DOCK4: variants seen among roughly 807,000 people sequenced by gnomAD.
DOCK4 encodes the protein dedicator of cytokinesis 4, also known as dedicator of cytokinesis protein 4.
A neutral mutation model predicts 268.1 loss-of-function variants in DOCK4; 97 were observed. The ratio of observed to expected loss-of-function variants is 0.36; its 90% CI spans 0.31 to 0.43. The LOEUF is 0.43. Ranked by LOEUF, DOCK4 falls within the 20% of genes least tolerant of loss-of-function variation. The pLI, the probability that DOCK4 is intolerant of heterozygous loss-of-function variation, is 1.00. For synonymous variants in DOCK4, 954 were observed against 887.2 expected, an observed-to-expected ratio of 1.08 and a Z score of -1.34; for missense variants, 2,145 against 2,455.7, an observed-to-expected ratio of 0.87 and a Z score of 2.67.
Position 111,977,154 on chromosome 7 carries a change from T to A in DOCK4, c.679A>T (p.Ser227Cys), listed in dbSNP as rs973305937. 1.2e-5 allele frequency: 20 copies of A among 1,613,224 alleles called. No homozygotes were observed. Among genetic ancestry groups the A allele is most frequent in the Non-Finnish European group, 1.7e-5 (20 of 1,179,628 alleles). ...TACCTGATTGGCCGGTTCTCTTTAC[T>A]GTCAAAGAGTGAGAAGATGACCTCC... ...ELEVIFSLFD[S>C]KENRPISERF... Residue 227 changes from serine (S) to cysteine (C), a missense_variant, in exon 8 of 53, where the codon AGT (serine) becomes TGT (cysteine). By Grantham distance (112) the Ser-to-Cys change is moderately radical (BLOSUM62 -1). This residue lies in a region of DOCK4 where 1,598 missense variants were observed against 1,986.7 expected (regional missense o/e 0.80). Transcript: ENST00000428084.
intron 1 of DOCK4, among the ~76,000 whole-genome samples, chr7:112,122,988 C>A (rs1245895837): frequency 6.6e-6 from 1 of 152,244 alleles, no homozygotes. Flanking sequence ...GCAAATTACT[C>A]AGGGCAAAGG....
intron 52 of DOCK4, 120 bp downstream of exon 52, chr7:111,732,106 T>C (rs991883363): frequency 1.2e-5 from 12 of 994,732 alleles, no homozygotes; most frequent in Middle Eastern, 2.3e-4. Context: ...CTATCCCTGA[T>C]TGATAAGTTC....
At chr7:111,747,108 A>G (rs1242426326) in intron 43 of DOCK4, among the ~76,000 whole-genome samples, 159 bp downstream of exon 43, 5 of 152,230 alleles carry the variant, frequency 3.3e-5, no homozygotes, top group Admixed American at 3.3e-4. Context: ...GGGCAATTAC[A>G]AATGACTGTA....
chr7:111,882,202 C>T (rs1807449030), intron 16 of DOCK4, among the ~76,000 whole-genome samples: 1 of 151,978 alleles, frequency 6.6e-6, no homozygotes, highest in South Asian at 2.1e-4. Flanking sequence ...AATATAATCA[C>T]CTACTATGTA....
At chr7:112,132,811 CT>C (rs758727067) in intron 1 of DOCK4, among the ~76,000 whole-genome samples, 6 of 152,152 alleles carry the variant, frequency 3.9e-5, no homozygotes, top group Non-Finnish European at 5.9e-5. Flanking sequence ...CTGGTTTAAA[CT>C]TCTACTTGGG....
intron 8 of DOCK4, among the ~76,000 whole-genome samples, chr7:111,972,398 A>G (rs1490284278): frequency 6.6e-6 from 1 of 152,140 alleles, no homozygotes; most frequent in African/African-American, 2.4e-5. Flanking sequence ...CATCTGTAAA[A>G]TTGGTGCTAA....
chr7:111,779,154 A>G (rs1160351148), intron 35 of DOCK4, among the ~76,000 whole-genome samples: 1 of 152,134 alleles, frequency 6.6e-6, no homozygotes, highest in Non-Finnish European at 1.5e-5. Flanking sequence ...AGAATGGGAA[A>G]GAGGGTAAAT....
intron 1 of DOCK4, among the ~76,000 whole-genome samples, chr7:112,106,941 A>C (rs552496972): frequency 7.2e-5 from 11 of 152,366 alleles, no homozygotes; most frequent in Admixed American, 6.5e-4. Context: ...ATGACTTGGC[A>C]GCATTTTGCC....
chr7:112,104,576 G>T (rs1810972543), intron 1 of DOCK4, among the ~76,000 whole-genome samples: 1 of 152,134 alleles, frequency 6.6e-6, no homozygotes, highest in South Asian at 2.1e-4. Context: ...GTTTTCAGAA[G>T]GAACTGGCTT....
chr7:111,933,554 C>CA (rs1794449628), intron 12 of DOCK4, among the ~76,000 whole-genome samples: 2 of 151,948 alleles, frequency 1.3e-5, no homozygotes, highest in Non-Finnish European at 2.9e-5. Flanking sequence ...CTTGGCCTCC[C>CA]AAAGTGCTGT....
Position 112,124,028 on chromosome 7 carries a change from CT to C in DOCK4, c.37+82073del, listed in dbSNP as rs36107543. On this transcript the variant is annotated intron_variant, in intron 1 of 52. Coordinates refer to ENST00000428084, the MANE Select transcript of DOCK4 (RefSeq NM_001363540.2). ...TTGCTGATCATTAAGAAACTAAAAA[CT>C]TTTTTTTTTTTTAGAAATAGGGTTT... 2.7e-3 allele frequency among the ~76,000 whole-genome samples: 393 copies of C among 143,708 alleles called. 1 individual carries two copies. The highest frequency in any genetic ancestry group is 7.3e-3 in the Middle Eastern group (2 of 274). The allele number at this position is 143,708 out of a possible 152,430, so 94.3% of individuals were successfully genotyped here.
intron 1 of DOCK4, among the ~76,000 whole-genome samples, chr7:112,060,009 G>A (rs960227617): frequency 6.6e-6 from 1 of 152,184 alleles, no homozygotes; most frequent in Non-Finnish European, 1.5e-5. Context: ...TGTCCAAGGT[G>A]GCAGCTAGAA....
At chr7:111,933,583 C>T (rs1794452492) in intron 12 of DOCK4, among the ~76,000 whole-genome samples, 4 of 151,964 alleles carry the variant, frequency 2.6e-5, no homozygotes, top group Non-Finnish European at 5.9e-5. Flanking sequence ...ACGTGAGCCA[C>T]CGCACCCAGC....
intron 49 of DOCK4, among the ~76,000 whole-genome samples, chr7:111,738,344 C>T (rs1017734652): frequency 6.6e-6 from 1 of 152,164 alleles, no homozygotes; most frequent in Non-Finnish European, 1.5e-5. Flanking sequence ...CAAAGGCAAA[C>T]AAATTGCTCC....
intron 39 of DOCK4, among the ~76,000 whole-genome samples, chr7:111,764,121 G>A (rs1797624884): frequency 6.6e-6 from 1 of 152,180 alleles, no homozygotes; most frequent in African/African-American, 2.4e-5. Context: ...CATTATGTCT[G>A]TGTAGCACCC....
intron 12 of DOCK4, among the ~76,000 whole-genome samples, chr7:111,928,704 C>T (rs1793939515): frequency 6.6e-6 from 1 of 151,672 alleles, no homozygotes; most frequent in South Asian, 2.1e-4. Context: ...TCTCCTGCCT[C>T]AGCCTCCTGA....
intron 38 of DOCK4, among the ~76,000 whole-genome samples, chr7:111,765,545 T>C (rs1477074812): frequency 6.6e-6 from 1 of 152,236 alleles, no homozygotes; most frequent in Non-Finnish European, 1.5e-5. Flanking sequence ...AGAAAAATTA[T>C]TTCTATGCAT....
At chr7:112,132,917 C>T (rs948526552) in intron 1 of DOCK4, among the ~76,000 whole-genome samples, 1 of 152,150 alleles carries the variant, frequency 6.6e-6, no homozygotes, top group Non-Finnish European at 1.5e-5. Context: ...GTCAGGAATT[C>T]TAAGTGTCAC....
At chr7:111,762,915 C>T (rs749711786) in intron 39 of DOCK4, among the ~76,000 whole-genome samples, 11 of 151,108 alleles carry the variant, frequency 7.3e-5, no homozygotes, top group Admixed American at 7.3e-4. Context: ...CACAGGCGCA[C>T]GCCACCGAAC....
Sources: gnomAD v4.1 joint callset for allele counts (sites outside exome capture counted in the v4.1 genomes callset) on GRCh38, gnomAD v4.1.1 for gene constraint, gnomAD v4.1.1 regional missense constraint, MANE v1.5 for transcripts, NCBI Gene and HGNC (gene_info 2026-07-23, HGNC 2026-07-21) for gene names.